PCSK2: variants seen among roughly 807,000 people sequenced by gnomAD.
The protein encoded by PCSK2 is proprotein convertase subtilisin/kexin type 2, also known as neuroendocrine convertase 2.
Under a neutral mutation model 69.7 loss-of-function variants are expected in PCSK2, and 14 were observed. The ratio of observed to expected loss-of-function variants is 0.20; its 90% CI spans 0.13 to 0.31. The LOEUF is 0.31. Ranked by LOEUF, PCSK2 falls within the 10% of genes least tolerant of loss-of-function variation. The pLI, the probability that PCSK2 is intolerant of heterozygous loss-of-function variation, is 1.00. For missense variants in PCSK2, 544 were observed against 842.5 expected (o/e 0.65, Z 4.39); for synonymous variants, 307 against 320.7 (o/e 0.96, Z 0.46).
At chr20:17,251,443 A>G (rs542365084) in intron 1 of PCSK2, among the ~76,000 whole-genome samples, 1 of 152,358 alleles carries the variant, frequency 6.6e-6, no homozygotes, top group Non-Finnish European at 1.5e-5. Context: ...TTTTATTCAC[A>G]GAAAAGACCC....
intron 5 of PCSK2, among the ~76,000 whole-genome samples, chr20:17,374,295 C>T (rs2030859159): frequency 6.6e-6 from 1 of 152,174 alleles, no homozygotes. Flanking sequence ...TTACTCTGAG[C>T]TCCCAATCCA....
intron 6 of PCSK2, among the ~76,000 whole-genome samples, chr20:17,423,837 T>A (rs2032186988): frequency 6.6e-6 from 1 of 151,848 alleles, no homozygotes; most frequent in Admixed American, 6.6e-5. Flanking sequence ...GAAAAGAAAA[T>A]CTAAGCCAAA....
At chr20:17,251,347 G>A (rs564049504) in intron 1 of PCSK2, among the ~76,000 whole-genome samples, 1 of 152,144 alleles carries the variant, frequency 6.6e-6, no homozygotes, top group Non-Finnish European at 1.5e-5. Context: ...ATTATCACAC[G>A]AAATATTTAT....
At chr20:17,343,447 C>T (rs545184621) in intron 2 of PCSK2, among the ~76,000 whole-genome samples, 9 of 152,336 alleles carry the variant, frequency 5.9e-5, no homozygotes, top group African/African-American at 2.2e-4. Flanking sequence ...CATCCCTGCA[C>T]AGATATCTTC....
intron 2 of PCSK2, among the ~76,000 whole-genome samples, chr20:17,340,595 T>C (rs1274970466): frequency 6.6e-6 from 1 of 152,236 alleles, no homozygotes; most frequent in African/African-American, 2.4e-5. Context: ...GCTTATCTTG[T>C]GTTTTTTTCC....
At chr20:17,423,029 A>T (rs1458355220) in intron 6 of PCSK2, among the ~76,000 whole-genome samples, 1 of 152,160 alleles carries the variant, frequency 6.6e-6, no homozygotes, top group African/African-American at 2.4e-5. Context: ...AAAGAAAAAC[A>T]TCTTTATGAT....
At chr20:17,278,701 C>T (rs1215434448) in intron 2 of PCSK2, among the ~76,000 whole-genome samples, 1 of 151,862 alleles carries the variant, frequency 6.6e-6, no homozygotes, top group Admixed American at 6.6e-5. Context: ...GCACATGTAC[C>T]CTAAAACTTA....
chr20:17,342,663 G>A (rs907903296), intron 2 of PCSK2, among the ~76,000 whole-genome samples: 4 of 149,082 alleles, frequency 2.7e-5, no homozygotes, highest in South Asian at 2.1e-4. Flanking sequence ...AGACAGGGTC[G>A]TGCTCTGTTG....
chr20:17,396,001 G>A (rs886856117), intron 5 of PCSK2, among the ~76,000 whole-genome samples: 14 of 152,032 alleles, frequency 9.2e-5, no homozygotes, highest in Admixed American at 7.9e-4. Context: ...CCTCAACCTC[G>A]CCAGCCATTC....
chr20:17,480,333 G>A (rs1374684631), intron 11 of PCSK2, among the ~76,000 whole-genome samples: 3 of 151,852 alleles, frequency 2.0e-5, no homozygotes, highest in Non-Finnish European at 4.4e-5. Context: ...GGGACTACAG[G>A]CGCCCACCAC....
intron 5 of PCSK2, among the ~76,000 whole-genome samples, chr20:17,393,107 G>A (rs374480025): frequency 1.3e-5 from 2 of 152,136 alleles, no homozygotes; most frequent in African/African-American, 4.8e-5. Context: ...TATGATAGGC[G>A]TTGTGTAGCC....
chr20:17,350,701 C>T (rs1487182217), intron 2 of PCSK2, among the ~76,000 whole-genome samples: 1 of 152,148 alleles, frequency 6.6e-6, no homozygotes, highest in Non-Finnish European at 1.5e-5. Flanking sequence ...CAATGGCTTC[C>T]AAACCTTTTT....
At chr20:17,320,880 G>C (rs911510892) in intron 2 of PCSK2, among the ~76,000 whole-genome samples, 1 of 152,128 alleles carries the variant, frequency 6.6e-6, no homozygotes, top group Non-Finnish European at 1.5e-5. Flanking sequence ...AACCATCGCC[G>C]GAGTACTAAC....
intron 2 of PCSK2, among the ~76,000 whole-genome samples, chr20:17,277,845 T>C (rs1988148607): frequency 1.3e-5 from 2 of 151,878 alleles, no homozygotes; most frequent in African/African-American, 4.8e-5. Flanking sequence ...ATATCCAGAA[T>C]CTACAATGAA....
At chr20:17,274,151 A>G (rs1335741444) in intron 2 of PCSK2, among the ~76,000 whole-genome samples, 1 of 152,190 alleles carries the variant, frequency 6.6e-6, no homozygotes, top group Non-Finnish European at 1.5e-5. Flanking sequence ...TGTGAATAAA[A>G]GCCCATATTC....
rs962533629 is a variant in PCSK2, at chr20:17,437,683, C to G, written c.885+800C>G. Reference sequence around the variant, plus strand: ...TGCCTGCAAAGAGTCAGAATTTGTCCCAGTCTCGACTGCCGCTTAAGCAAC... The same window carrying G: ...TGCCTGCAAAGAGTCAGAATTTGTCGCAGTCTCGACTGCCGCTTAAGCAAC... On this transcript the variant is annotated intron_variant, in intron 8 of 11. Coordinates refer to ENST00000262545, the MANE Select transcript of PCSK2 (RefSeq NM_002594.5). Among the ~76,000 whole-genome samples the G allele has an allele frequency of 7.9e-5, 12 of 151,940 alleles. No homozygotes were observed. The East Asian group carries it at 2.3e-3, about 29-fold the overall frequency.
At chr20:17,281,123 T>A (rs1242005530) in intron 2 of PCSK2, among the ~76,000 whole-genome samples, 1 of 152,214 alleles carries the variant, frequency 6.6e-6, no homozygotes, top group Non-Finnish European at 1.5e-5. Flanking sequence ...AGACTCTCCA[T>A]CTGAGGTCAA....
intron 1 of PCSK2, among the ~76,000 whole-genome samples, chr20:17,240,014 C>A (rs1986505050): frequency 6.6e-6 from 1 of 151,708 alleles, no homozygotes; most frequent in Non-Finnish European, 1.5e-5. Context: ...CCACCATACC[C>A]AGCTAAATTT....
chr20:17,357,284 A>AAGG (rs1462575784), intron 2 of PCSK2, among the ~76,000 whole-genome samples: 1 of 152,208 alleles, frequency 6.6e-6, no homozygotes, highest in African/African-American at 2.4e-5. Context: ...TTGTCAGTGC[A>AAGG]AGGACACACC....
Sources: allele counts gnomAD v4.1 joint callset (sites outside exome capture counted in the v4.1 genomes callset), GRCh38; gene constraint gnomAD v4.1.1; transcripts MANE v1.5; gene names NCBI Gene and HGNC (gene_info 2026-07-23, HGNC 2026-07-21).